The following TENM3 variants were observed in gnomAD, a reference collection of about 807,000 sequenced individuals.
The protein encoded by TENM3 is teneurin-3.
Under a neutral mutation model 255.1 loss-of-function variants are expected in TENM3, and 63 were observed. That is an observed-to-expected ratio of 0.25 (90% confidence interval 0.20 to 0.30). The LOEUF (loss-of-function observed/expected upper bound fraction) is 0.30, where lower values mean the gene tolerates loss of function less well. Ranked by LOEUF, TENM3 falls within the 10% of genes least tolerant of loss-of-function variation. The probability of loss-of-function intolerance (pLI) is 1.00; values close to 1 mark genes in which losing one functional copy is unlikely to be tolerated. For synonymous variants in TENM3, 1,306 were observed against 1,322.3 expected (o/e 0.99, Z 0.27); for missense variants, 2,929 against 3,461.1 (o/e 0.85, Z 3.86).
the TENM3 span, among the ~76,000 whole-genome samples, chr4:182,095,828 A>G: frequency 2.6e-5 from 4 of 152,172 alleles, no homozygotes; most frequent in Admixed American, 1.3e-4. Context: ...TTTCACATGT[A>G]TCCTATAAAT....
intron 3 of TENM3, among the ~76,000 whole-genome samples, chr4:182,431,354 C>T (rs1429654563): frequency 4.0e-5 from 6 of 151,674 alleles, no homozygotes; most frequent in South Asian, 2.1e-4. Flanking sequence ...ATTAGCTGGG[C>T]GTGGTGGCAC....
intron 1 of TENM3, among the ~76,000 whole-genome samples, chr4:182,318,015 C>A (rs1430246377): frequency 6.6e-6 from 1 of 152,054 alleles, no homozygotes; most frequent in East Asian, 1.9e-4. Flanking sequence ...TTAATTTAGA[C>A]CTTTAATCTA....
At chr4:182,039,066 A>G in the TENM3 span, among the ~76,000 whole-genome samples, 3 of 152,098 alleles carry the variant, frequency 2.0e-5, no homozygotes. Context: ...TGAAATTCGA[A>G]TCCAACTTTC....
intron 3 of TENM3, among the ~76,000 whole-genome samples, chr4:182,373,959 C>A (rs1210799383): frequency 6.6e-6 from 1 of 152,146 alleles, no homozygotes; most frequent in African/African-American, 2.4e-5. Flanking sequence ...ATTCACTCAA[C>A]AAACACAGCC....
At chr4:181,763,877 C>T in the TENM3 span, among the ~76,000 whole-genome samples, 5 of 152,098 alleles carry the variant, frequency 3.3e-5, no homozygotes, top group African/African-American at 1.2e-4. Context: ...TTATGGAAAA[C>T]TTTTATGAAC....
chr4:181,668,988 C>G, the TENM3 span, among the ~76,000 whole-genome samples: 1 of 152,150 alleles, frequency 6.6e-6, no homozygotes, highest in African/African-American at 2.4e-5. Flanking sequence ...AGAGAATATT[C>G]TCTGTTACCT....
At chr4:181,463,207 A>G in the TENM3 span, among the ~76,000 whole-genome samples, 1 of 152,182 alleles carries the variant, frequency 6.6e-6, no homozygotes, top group Non-Finnish European at 1.5e-5. Context: ...CCTTTTCCAC[A>G]AATCCTATCT....
chr4:181,489,480 G>A, the TENM3 span, among the ~76,000 whole-genome samples: 10 of 152,084 alleles, frequency 6.6e-5, no homozygotes, highest in Admixed American at 6.5e-4. Context: ...TTTACTTTCA[G>A]TAATTTATTT....
chr4:182,524,599 G>A (rs1473895019), intron 3 of TENM3, among the ~76,000 whole-genome samples: 1 of 151,674 alleles, frequency 6.6e-6, no homozygotes, highest in Admixed American at 6.6e-5. Flanking sequence ...GGGCTCAAGT[G>A]ATCCTCCTGT....
At chr4:182,299,297 GAT>G (rs1761706497) in intron 1 of TENM3, among the ~76,000 whole-genome samples, 1 of 152,000 alleles carries the variant, frequency 6.6e-6, no homozygotes, top group South Asian at 2.1e-4. Context: ...GAGTCTTTTT[GAT>G]TGGCCACTTT....
At chr4:182,528,194 G>A (rs533817103) in intron 3 of TENM3, among the ~76,000 whole-genome samples, 1 of 151,640 alleles carries the variant, frequency 6.6e-6, no homozygotes, top group South Asian at 2.1e-4. Flanking sequence ...CTTGGCTCTC[G>A]GCAACCTCCT....
At chr4:182,678,658 C>T (rs1755847418) in intron 7 of TENM3, among the ~76,000 whole-genome samples, 2 of 152,200 alleles carry the variant, frequency 1.3e-5, no homozygotes. Context: ...ATTCCTTCAC[C>T]TGTAAAGTGC....
At chr4:181,903,572 T>G in the TENM3 span, among the ~76,000 whole-genome samples, 1 of 152,178 alleles carries the variant, frequency 6.6e-6, no homozygotes, top group Non-Finnish European at 1.5e-5. Flanking sequence ...CTCAAACCAA[T>G]TACTGTGTGA....
chr4:182,228,358 A>ATGTATGTG lies in TENM3; in HGVS notation c.-76+83607_-76+83608insATGTGTGT, dbSNP rs1554035080. Among the ~76,000 whole-genome samples, 195 of 109,116 alleles carry ATGTATGTG rather than the reference A, an allele frequency of 1.8e-3. 11 individuals are homozygous for ATGTATGTG. The highest frequency in any genetic ancestry group is 6.4e-3 in the South Asian group (23 of 3,584). 71.6% of individuals were successfully genotyped at this position (109,116 alleles called of 152,430 possible). ...CCTTAAATATATATAATGTAATGTAATGTGTGTGTGTGTGTGTGTGTGTGT... is the reference window on the plus strand; with the variant it reads ...CCTTAAATATATATAATGTAATGTAATGTATGTGTGTGTGTGTGTGTGTGTGTGTGTGT... On this transcript the variant is annotated intron_variant, in intron 1 of 2. Coordinates refer to the TENM3 transcript ENST00000512480.
intron 22 of TENM3, among the ~76,000 whole-genome samples, chr4:182,762,040 A>C (rs2152767970): frequency 6.6e-6 from 1 of 152,318 alleles, no homozygotes; most frequent in East Asian, 1.9e-4. Flanking sequence ...TTTAAAAATC[A>C]TTAGTTCTGC....
At chr4:182,173,933 C>T (rs969179286) in intron 1 of TENM3, among the ~76,000 whole-genome samples, 3 of 151,996 alleles carry the variant, frequency 2.0e-5, no homozygotes, top group African/African-American at 7.2e-5. Flanking sequence ...TATTATAAAT[C>T]TTGACTTTTG....
chr4:181,812,905 T>A, the TENM3 span, among the ~76,000 whole-genome samples: 14 of 152,102 alleles, frequency 9.2e-5, no homozygotes, highest in Admixed American at 7.9e-4. Flanking sequence ...AAGGAGAAAC[T>A]GAATATACCT....
chr4:182,034,582 G>A, the TENM3 span, among the ~76,000 whole-genome samples: 1 of 152,142 alleles, frequency 6.6e-6, no homozygotes, highest in Non-Finnish European at 1.5e-5. Context: ...AGGCCTGGTG[G>A]TGATGAATTC....
intron 3 of TENM3, among the ~76,000 whole-genome samples, chr4:182,492,318 T>A (rs886135635): frequency 1.3e-5 from 2 of 152,186 alleles, no homozygotes; most frequent in African/African-American, 4.8e-5. Context: ...GATAAGGAAC[T>A]TGGTTTTGAT....
Sources: gnomAD v4.1 joint callset for allele counts (sites outside exome capture counted in the v4.1 genomes callset) on GRCh38, gnomAD v4.1.1 for gene constraint, MANE v1.5 for transcripts, NCBI Gene and HGNC (gene_info 2026-07-23, HGNC 2026-07-21) for gene names.